The following KIAA1217 variants were observed in gnomAD, a reference collection of about 807,000 sequenced individuals.
KIAA1217 encodes KIAA1217, also known as sickle tail protein homolog.
In KIAA1217, 88 loss-of-function variants were observed where a neutral mutation model predicts 163.9. The ratio of observed to expected loss-of-function variants is 0.54; its 90% CI spans 0.45 to 0.64. The LOEUF is 0.64. KIAA1217 is among the 30% of genes least tolerant of loss of function. The probability of loss-of-function intolerance (pLI) is 0.00; values close to 1 mark genes in which losing one functional copy is unlikely to be tolerated. For synonymous variants in KIAA1217, 903 were observed against 923.1 expected, an observed-to-expected ratio of 0.98 and a Z score of 0.39; for missense variants, 2,372 against 2,475.0, an observed-to-expected ratio of 0.96 and a Z score of 0.88.
At chr10:24,448,323 A>G (rs1444900273) in intron 5 of KIAA1217, among the ~76,000 whole-genome samples, 1 of 152,148 alleles carries the variant, frequency 6.6e-6, no homozygotes, top group Non-Finnish European at 1.5e-5. Flanking sequence ...ACAAATCTAA[A>G]TAAGATAGAT....
At chr10:24,139,190 T>C (rs559370081) in intron 2 of KIAA1217, among the ~76,000 whole-genome samples, 2 of 152,250 alleles carry the variant, frequency 1.3e-5, no homozygotes, top group Non-Finnish European at 2.9e-5. Flanking sequence ...TTTAGAGATT[T>C]AATATTTACT....
chr10:24,260,976 G>A (rs1260626427), intron 2 of KIAA1217, among the ~76,000 whole-genome samples: 1 of 152,132 alleles, frequency 6.6e-6, no homozygotes, highest in Non-Finnish European at 1.5e-5. Flanking sequence ...TATTGGAAGG[G>A]GGAGGACAAA....
intron 1 of KIAA1217, among the ~76,000 whole-genome samples, chr10:23,904,895 C>A (rs1842088984): frequency 6.6e-6 from 1 of 151,622 alleles, no homozygotes; most frequent in Non-Finnish European, 1.5e-5. Context: ...AAAACTTGCC[C>A]ACAGTCACCC....
At chr10:23,998,754 A>G (rs114596897) in intron 1 of KIAA1217, among the ~76,000 whole-genome samples, 3,482 of 152,324 alleles carry the variant, frequency 0.023, 147 homozygotes, top group African/African-American at 0.08. Context: ...GAGAATTCTC[A>G]TAAGCAGAGG....
At chr10:24,444,541 C>T (rs976700848) in intron 5 of KIAA1217, among the ~76,000 whole-genome samples, 15 of 152,280 alleles carry the variant, frequency 9.9e-5, no homozygotes, top group African/African-American at 3.4e-4. Flanking sequence ...TTCATCTTCA[C>T]GTCCCTCCAA....
chr10:24,333,875 G>A (rs2045998621), intron 2 of KIAA1217, among the ~76,000 whole-genome samples: 1 of 152,346 alleles, frequency 6.6e-6, no homozygotes, highest in African/African-American at 2.4e-5. Flanking sequence ...AGTTATTAAT[G>A]TTAAGTATGC....
chr10:23,864,069 G>T (rs1238754688), intron 1 of KIAA1217, among the ~76,000 whole-genome samples: 3 of 130,812 alleles, frequency 2.3e-5, no homozygotes, highest in Non-Finnish European at 4.7e-5. Context: ...ACCTTGTAAA[G>T]TAGTTATTAT....
intron 1 of KIAA1217, among the ~76,000 whole-genome samples, chr10:23,944,617 C>A (rs1046129905): frequency 6.6e-6 from 1 of 152,026 alleles, no homozygotes; most frequent in East Asian, 1.9e-4. Context: ...CTAAATAAAT[C>A]CACAATATGT....
intron 2 of KIAA1217, among the ~76,000 whole-genome samples, chr10:24,130,307 T>C (rs1449761066): frequency 6.6e-6 from 1 of 152,204 alleles, no homozygotes; most frequent in Non-Finnish European, 1.5e-5. Context: ...ATGTATTATA[T>C]ATAACTCAAG....
At chr10:24,359,000 A>G (rs1226210488) in intron 2 of KIAA1217, among the ~76,000 whole-genome samples, 1 of 151,976 alleles carries the variant, frequency 6.6e-6, no homozygotes, top group East Asian at 1.9e-4. Context: ...ATGAGATCAC[A>G]GTCGTCCTAT....
intron 2 of KIAA1217, among the ~76,000 whole-genome samples, chr10:24,231,686 AAATG>A (rs1179002738): frequency 6.6e-6 from 1 of 152,194 alleles, no homozygotes; most frequent in Non-Finnish European, 1.5e-5. Context: ...AAAAGAAAAA[AAATG>A]AACAGAAAGA....
chr10:24,294,106 T>C (rs559000549), intron 2 of KIAA1217, among the ~76,000 whole-genome samples: 1 of 127,704 alleles, frequency 7.8e-6, no homozygotes, highest in Non-Finnish European at 1.6e-5. Flanking sequence ...GCGAATGGCA[T>C]GAACCTGGGA....
chr10:24,025,604 A>G (rs72773153), intron 2 of KIAA1217, among the ~76,000 whole-genome samples: 4 of 151,510 alleles, frequency 2.6e-5, no homozygotes, highest in African/African-American at 9.7e-5. Flanking sequence ...TTGGGGGACA[A>G]TTAAAAGCAA....
chr10:23,920,236 G>A (rs1449674560), intron 1 of KIAA1217, among the ~76,000 whole-genome samples: 2 of 152,092 alleles, frequency 1.3e-5, no homozygotes, highest in African/African-American at 4.8e-5. Flanking sequence ...AAAAGGAGAG[G>A]GACTAGAAGC....
intron 2 of KIAA1217, among the ~76,000 whole-genome samples, chr10:24,307,273 G>C (rs944137355): frequency 1.3e-5 from 2 of 152,136 alleles, no homozygotes; most frequent in African/African-American, 4.8e-5. Context: ...CTTCTCAAGA[G>C]CTCTTATGTT....
chr10:24,180,743 G>A lies in KIAA1217; in HGVS notation c.-170-38883G>A, dbSNP rs1000113939. Among the ~76,000 whole-genome samples the A allele has an allele frequency of 3.9e-5, 6 of 152,270 alleles. No homozygotes were observed. The South Asian group carries it at 1.2e-3, about 32-fold the overall frequency. On this transcript the variant is annotated intron_variant, in intron 2 of 18. Coordinates refer to the KIAA1217 transcript ENST00000376462. ...AATTAATTTGACAATCTGTCATTTA[G>A]TCCTGTGGTTGTGTTGTTTTAAGTT...
intron 3 of KIAA1217, among the ~76,000 whole-genome samples, chr10:24,384,779 G>T (rs904284757): frequency 6.6e-6 from 1 of 152,156 alleles, no homozygotes; most frequent in South Asian, 2.1e-4. Context: ...CTCGTGATCC[G>T]CCTGCCTTGG....
rs371383455 is a variant in KIAA1217 at position 24,533,035 on chromosome 10, G to A, written c.3247-35G>A. 3.3e-5 allele frequency: 52 copies of A among 1,579,756 alleles called. No individual in the cohort carries two copies. In the African/African-American group the frequency reaches 6.3e-4, roughly 19 times the overall value. ...CCTTTTTTGCTAGCACCTAGGAGATGTTAAACCACTATCTGTTGTTTCAAT... is the reference window on the plus strand; with the variant it reads ...CCTTTTTTGCTAGCACCTAGGAGATATTAAACCACTATCTGTTGTTTCAAT... On this transcript the variant is annotated intron_variant, in intron 15 of 20. Coordinates refer to ENST00000376454, the MANE Select transcript of KIAA1217 (RefSeq NM_019590.5).
intron 1 of KIAA1217, among the ~76,000 whole-genome samples, chr10:23,730,011 C>T (rs1838387446): frequency 6.6e-6 from 1 of 152,078 alleles, no homozygotes; most frequent in East Asian, 1.9e-4. Context: ...ACACCATTGT[C>T]CTGCCTCAGT....
Sources: gnomAD v4.1 joint callset for allele counts (sites outside exome capture counted in the v4.1 genomes callset) on GRCh38, gnomAD v4.1.1 for gene constraint, MANE v1.5 for transcripts, NCBI Gene and HGNC (gene_info 2026-07-23, HGNC 2026-07-21) for gene names.